The following SORBS2 variants were observed in gnomAD, a reference collection of about 807,000 sequenced individuals.
SORBS2 encodes the protein sorbin and SH3 domain containing 2.
SORBS2 carries 46 observed loss-of-function variants against 97.7 expected under a neutral mutation model. The observed-to-expected ratio is 0.47, with a 90% CI of 0.37 to 0.60. The LOEUF is 0.60. SORBS2 is among the 20% of genes least tolerant of loss of function. The probability of loss-of-function intolerance (pLI) is 0.00; values close to 1 mark genes in which losing one functional copy is unlikely to be tolerated. For synonymous variants in SORBS2, 476 were observed against 473.4 expected (o/e 1.01, Z -0.07); for missense variants, 1,316 against 1,282.3 (o/e 1.03, Z -0.40).
intron 1 of SORBS2, among the ~76,000 whole-genome samples, chr4:185,887,954 A>G (rs1189442658): frequency 1.0e-5 from 1 of 96,988 alleles, no homozygotes; most frequent in Non-Finnish European, 2.0e-5. Context: ...CACATAGTAT[A>G]TATATATGTG....
chr4:185,593,994 A>T (rs767038613), intron 12 of SORBS2, 59 bp from the exon 25 acceptor site: 8 of 1,112,030 alleles, frequency 7.2e-6, no homozygotes, highest in African/African-American at 1.5e-5. Flanking sequence ...TTAAAAGATA[A>T]TTTGGATAAT....
At chr4:185,585,730 A>G (rs2095794539) in exon 15 of SORBS2, 1 of 152,230 alleles carries the variant, frequency 6.6e-6, no homozygotes. Context: ...ATCAAAGAGA[A>G]TTATTCATTT....
At chr4:185,701,796 A>G (rs2098266779) in intron 2 of SORBS2, among the ~76,000 whole-genome samples, 1 of 146,386 alleles carries the variant, frequency 6.8e-6, no homozygotes, top group Non-Finnish European at 1.5e-5. Flanking sequence ...TTTTAGACGG[A>G]GTCTTGCTCT....
At chr4:185,618,559 A>G (rs368570378) in intron 9 of SORBS2, 26 bp downstream of exon 21, 62 of 1,352,814 alleles carry the variant, frequency 4.6e-5, no homozygotes, top group Non-Finnish European at 6.1e-5. Context: ...ACCTTAAATC[A>G]TATGATGAGT....
At chr4:185,913,976 A>C (rs1399230561) in intron 1 of SORBS2, among the ~76,000 whole-genome samples, 1 of 152,176 alleles carries the variant, frequency 6.6e-6, no homozygotes, top group African/African-American at 2.4e-5. Context: ...ACCTTTCTGA[A>C]GGGTTTCAGA....
intron 1 of SORBS2, among the ~76,000 whole-genome samples, chr4:185,877,715 CA>C (rs2099234377): frequency 6.6e-6 from 1 of 151,540 alleles, no homozygotes. Flanking sequence ...AAAAAAAATA[CA>C]AAAAATTAAC....
chr4:185,921,625 G>A (rs988786761), intron 1 of SORBS2, among the ~76,000 whole-genome samples: 2 of 152,114 alleles, frequency 1.3e-5, no homozygotes, highest in African/African-American at 2.4e-5. Context: ...AAAGAAGGAC[G>A]AAGTAGAAAG....
intron 1 of SORBS2, among the ~76,000 whole-genome samples, chr4:185,936,161 C>A (rs557255402): frequency 6.6e-6 from 1 of 152,162 alleles, no homozygotes; most frequent in African/African-American, 2.4e-5. Flanking sequence ...ACCTGGCCAA[C>A]GGTAAGTTTT....
At chr4:185,932,002 C>CTCTCTATA (rs1233098098) in intron 1 of SORBS2, among the ~76,000 whole-genome samples, 1 of 148,572 alleles carries the variant, frequency 6.7e-6, no homozygotes, top group African/African-American at 2.5e-5. Flanking sequence ...CTCTCTCTCT[C>CTCTCTATA]TATATATATA....
chr4:185,623,825 A>G lies in SORBS2; in HGVS notation c.1304T>C (p.Leu435Pro). The G allele has an allele frequency of 6.2e-7, 1 of 1,614,168 alleles. No individual in the cohort carries two copies. Among genetic ancestry groups the G allele is most frequent in the Non-Finnish European group, 8.5e-7 (1 of 1,180,032 alleles). ...CGGTGGTTCTAGGGTTACGGGAGAC[A>G]GCATGTCATCCCCTAAATTTGGCAT... Residue 435 changes from leucine (L) to proline (P), a missense_variant, in exon 7 of 15, where the codon CTG (leucine) becomes CCG (proline). Coordinates refer to ENST00000418609, the Ensembl canonical transcript of SORBS2. This position sits in a 1 kb window ranked among gnomAD's most constrained non-coding sequence, Gnocchi z 6.4.
rs560903283 is a variant in SORBS2, at chr4:185,769,652, G to A, written c.-198+5575C>T. ...ATTACAGGCATGCACCACCATGCCC[G>A]GCTAATTTTGTATTTTTAATAGAGA... On this transcript the variant is annotated intron_variant, in intron 2 of 20. Coordinates refer to the SORBS2 transcript ENST00000284776. Among the ~76,000 whole-genome samples the A allele has an allele frequency of 5.3e-5, 8 of 151,982 alleles. No individual in the cohort carries two copies. The South Asian group carries it at 1.5e-3, about 28-fold the overall frequency.
chr4:185,948,842 T>C (rs1253055862), intron 1 of SORBS2, among the ~76,000 whole-genome samples: 1 of 152,064 alleles, frequency 6.6e-6, no homozygotes, highest in Non-Finnish European at 1.5e-5. Context: ...ATTAAATTGT[T>C]ATTTTTTTCT....
intron 5 of SORBS2, 48 bp from the exon 18 acceptor site, chr4:185,627,067 G>T: frequency 6.4e-7 from 1 of 1,572,798 alleles, no homozygotes; most frequent in Non-Finnish European, 8.7e-7. Context: ...AGGAGGTTCG[G>T]GTGTGCACCA....
intron 2 of SORBS2, 115 bp downstream of exon 10, chr4:185,652,547 G>A: frequency 1.3e-6 from 1 of 799,856 alleles, no homozygotes; most frequent in South Asian, 1.5e-5. Flanking sequence ...AAAAGAAAGG[G>A]GACACGGAGT....
At position 185,684,734 on chromosome 4, in the gene SORBS2, G is replaced by A; in HGVS notation, c.-197-5912C>T. 6.6e-7 allele frequency: 1 copy of A among 1,507,562 alleles called. No homozygotes were observed. The highest frequency in any genetic ancestry group is 1.2e-5 in the South Asian group (1 of 82,894). The allele number at this position is 1,507,562 out of a possible 1,614,324, so 93.4% of individuals were successfully genotyped here. A position where few individuals can be genotyped will look rare whatever the true frequency, so the allele number is the denominator to read the frequency against. Reference sequence around the variant, plus strand: ...AGAAGCCATTCAAGTGCGACATTGTGTGAGTTAGTGATATTATACCTGCAG... The same window carrying A: ...AGAAGCCATTCAAGTGCGACATTGTATGAGTTAGTGATATTATACCTGCAG... On this transcript the variant is annotated intron_variant, in intron 2 of 20. Coordinates refer to the SORBS2 transcript ENST00000284776. This position sits in a 1 kb window ranked among gnomAD's most constrained non-coding sequence, Gnocchi z 4.2.
chr4:185,758,921 C>A (rs2098846975), intron 2 of SORBS2, among the ~76,000 whole-genome samples: 1 of 152,180 alleles, frequency 6.6e-6, no homozygotes, highest in Non-Finnish European at 1.5e-5. Context: ...TCCTCTTTAC[C>A]CTGCTATGTT....
At chr4:185,735,255 C>A (rs962346190) in intron 2 of SORBS2, among the ~76,000 whole-genome samples, 1 of 152,088 alleles carries the variant, frequency 6.6e-6, no homozygotes, top group Non-Finnish European at 1.5e-5. Flanking sequence ...CAAGGGATGG[C>A]CCTGATTTCA....
intron 2 of SORBS2, among the ~76,000 whole-genome samples, chr4:185,752,555 C>T (rs946422305): frequency 9.2e-5 from 14 of 152,128 alleles, no homozygotes; most frequent in Non-Finnish European, 1.5e-4. Flanking sequence ...GGATTACAGG[C>T]GTGAGCCACC....
chr4:185,874,273 C>T (rs757296192), intron 1 of SORBS2, among the ~76,000 whole-genome samples: 3 of 152,196 alleles, frequency 2.0e-5, no homozygotes, highest in Middle Eastern at 3.4e-3. Context: ...ATAAAATACT[C>T]GCTGTGATCC....
Sources: gnomAD v4.1 joint callset for allele counts (sites outside exome capture counted in the v4.1 genomes callset) on GRCh38, gnomAD v4.1.1 for gene constraint, Gnocchi (gnomAD v3.1) non-coding constraint, MANE v1.5 for transcripts, NCBI Gene and HGNC (gene_info 2026-07-23, HGNC 2026-07-21) for gene names.